PPP1R9A: variants seen among roughly 807,000 people sequenced by gnomAD.
PPP1R9A encodes neurabin-1.
Under a neutral mutation model 141.9 loss-of-function variants are expected in PPP1R9A, and 59 were observed. That is an observed-to-expected ratio of 0.42 (90% CI 0.34 to 0.52). PPP1R9A has a LOEUF of 0.52. PPP1R9A is among the 20% of genes least tolerant of loss of function. The pLI is 0.10. For synonymous variants in PPP1R9A, 500 were observed against 569.7 expected (o/e 0.88, Z 1.74); for missense variants, 1,444 against 1,611.9 (o/e 0.90, Z 1.78).
At chr7:95,017,032 G>A (rs936402389) in intron 2 of PPP1R9A, among the ~76,000 whole-genome samples, 1 of 152,104 alleles carries the variant, frequency 6.6e-6, no homozygotes, top group African/African-American at 2.4e-5. Flanking sequence ...GCCATATGAA[G>A]ATGGAGACAG....
chr7:95,259,881 G>C (rs1373925720), intron 12 of PPP1R9A, among the ~76,000 whole-genome samples: 2 of 152,096 alleles, frequency 1.3e-5, no homozygotes, highest in Non-Finnish European at 2.9e-5. Context: ...GGGAATTCTA[G>C]AGTAGATTCA....
In PPP1R9A at chr7:95,226,107, G is replaced by C; in HGVS notation, c.2103G>C (p.Lys701Asn). 6.2e-7 allele frequency: 1 copy of C among 1,612,326 alleles called. No individual in the cohort carries two copies. Among genetic ancestry groups the C allele is most frequent in the Non-Finnish European group, 8.5e-7 (1 of 1,178,720 alleles). Residue 701 changes from lysine (K) to asparagine (N), a missense_variant, in exon 8 of 20, where the codon AAG becomes AAC. Physicochemically the swap from Lys to Asn is moderately conservative, Grantham distance 94. This residue lies in a region of PPP1R9A where 488 missense variants were observed against 542.0 expected (regional missense o/e 0.90). Coordinates refer to ENST00000433360, the MANE Select transcript of PPP1R9A (RefSeq NM_001166160.2). Reference protein sequence around the residue: ...SELDTSKLSHKFKELQIKHAV... With the variant: ...SELDTSKLSHNFKELQIKHAV... ...TGGACACAAGCAAGCTCAGTCACAA[G>C]TTCAAAGAGGTATGCCACTAAGCTG...
At chr7:95,078,644 G>A (rs926783385) in intron 2 of PPP1R9A, among the ~76,000 whole-genome samples, 14 of 152,144 alleles carry the variant, frequency 9.2e-5, no homozygotes, top group African/African-American at 3.4e-4. Flanking sequence ...AGCAACTGTT[G>A]TTTCCTGACT....
intron 5 of PPP1R9A, among the ~76,000 whole-genome samples, chr7:95,190,230 A>G (rs193081687): frequency 8.5e-5 from 13 of 152,280 alleles, no homozygotes; most frequent in Non-Finnish European, 1.6e-4. Flanking sequence ...TTGATGTGGT[A>G]CATTTCTTCT....
chr7:95,078,950 T>C (rs1382195183), intron 2 of PPP1R9A, among the ~76,000 whole-genome samples: 1 of 152,160 alleles, frequency 6.6e-6, no homozygotes, highest in Non-Finnish European at 1.5e-5. Flanking sequence ...ACTCTGATGG[T>C]AGTTTCTTTT....
chr7:95,109,963 A>G (rs1033221026), intron 2 of PPP1R9A, among the ~76,000 whole-genome samples: 1 of 152,194 alleles, frequency 6.6e-6, no homozygotes, highest in Non-Finnish European at 1.5e-5. Context: ...GTGCATTTTG[A>G]TGCAGTAAGG....
intron 17 of PPP1R9A, among the ~76,000 whole-genome samples, chr7:95,285,598 G>T (rs931288260): frequency 6.6e-6 from 1 of 152,214 alleles, no homozygotes; most frequent in Non-Finnish European, 1.5e-5. Flanking sequence ...TGTCTGTGCT[G>T]TGTGGCAGCC....
chr7:95,128,826 C>T (rs959760250), intron 4 of PPP1R9A, among the ~76,000 whole-genome samples: 1 of 152,204 alleles, frequency 6.6e-6, no homozygotes, highest in Non-Finnish European at 1.5e-5. Context: ...GATCCACCCG[C>T]CTCGGCCTCC....
At chr7:95,162,736 T>C (rs912028860) in intron 5 of PPP1R9A, among the ~76,000 whole-genome samples, 2 of 152,254 alleles carry the variant, frequency 1.3e-5, no homozygotes, top group Non-Finnish European at 2.9e-5. Flanking sequence ...ATGAAACTGC[T>C]AAATATTCTG....
intron 7 of PPP1R9A, among the ~76,000 whole-genome samples, chr7:95,220,926 G>T (rs184864368): frequency 5.4e-4 from 82 of 152,116 alleles, no homozygotes; most frequent in Admixed American, 2.6e-3. Flanking sequence ...AGTTTTCTTG[G>T]GCTTGGGTAG....
At chr7:95,058,408 G>T (rs1335339217) in intron 2 of PPP1R9A, among the ~76,000 whole-genome samples, 1 of 152,140 alleles carries the variant, frequency 6.6e-6, no homozygotes, top group Non-Finnish European at 1.5e-5. Flanking sequence ...TAGAGTGGCA[G>T]CTTCTTTGTT....
chr7:95,079,458 A>T (rs1332660874), intron 2 of PPP1R9A, among the ~76,000 whole-genome samples: 1 of 151,878 alleles, frequency 6.6e-6, no homozygotes, highest in Non-Finnish European at 1.5e-5. Context: ...TAGCTTACCA[A>T]CCAAAAAGAG....
chr7:95,194,086 C>T (rs998665360), intron 5 of PPP1R9A, among the ~76,000 whole-genome samples: 3 of 152,014 alleles, frequency 2.0e-5, no homozygotes, highest in Non-Finnish European at 4.4e-5. Context: ...GTAAGTGATA[C>T]TCTGTCAAAT....
At chr7:95,086,281 T>A (rs537254815) in intron 2 of PPP1R9A, among the ~76,000 whole-genome samples, 1 of 152,048 alleles carries the variant, frequency 6.6e-6, no homozygotes, top group Non-Finnish European at 1.5e-5. Flanking sequence ...AATTTTAGTT[T>A]AGGATTTTTA....
chr7:95,064,532 T>C (rs1812691612), intron 2 of PPP1R9A, among the ~76,000 whole-genome samples: 1 of 152,158 alleles, frequency 6.6e-6, no homozygotes, highest in African/African-American at 2.4e-5. Flanking sequence ...GAAAGGACAT[T>C]TGCTTACAGA....
At chr7:94,989,988 T>A (rs987474034) in intron 2 of PPP1R9A, among the ~76,000 whole-genome samples, 1 of 152,044 alleles carries the variant, frequency 6.6e-6, no homozygotes, top group African/African-American at 2.4e-5. Context: ...AGCGTTTGAT[T>A]AGTTAAAATA....
intron 2 of PPP1R9A, among the ~76,000 whole-genome samples, chr7:94,998,811 T>C (rs854727): frequency 0.49 from 74,224 of 152,034 alleles, 18,651 homozygotes; most frequent in Middle Eastern, 0.57. Context: ...GTCACCCAGG[T>C]TGGGGTACAG....
intron 4 of PPP1R9A, among the ~76,000 whole-genome samples, chr7:95,141,197 G>A (rs1299156552): frequency 6.6e-6 from 1 of 152,082 alleles, no homozygotes; most frequent in Non-Finnish European, 1.5e-5. Flanking sequence ...GATAATCTAG[G>A]ATGAAAATAC....
At chr7:94,975,349 T>A (rs935520472) in intron 2 of PPP1R9A, among the ~76,000 whole-genome samples, 5 of 117,674 alleles carry the variant, frequency 4.2e-5, no homozygotes, top group Admixed American at 2.2e-4. Context: ...GGCTGTAGTT[T>A]TTTTTTGTTT....
Sources: gnomAD v4.1 joint callset for allele counts (sites outside exome capture counted in the v4.1 genomes callset) on GRCh38, gnomAD v4.1.1 for gene constraint, gnomAD v4.1.1 regional missense constraint, MANE v1.5 for transcripts, NCBI Gene and HGNC (gene_info 2026-07-23, HGNC 2026-07-21) for gene names.